The following SLC17A1 variants were observed in gnomAD, a reference collection of about 807,000 sequenced individuals.
SLC17A1 encodes sodium-dependent phosphate transport protein 1.
SLC17A1 carries 51 observed loss-of-function variants against 53.5 expected under a neutral mutation model. The ratio of observed to expected loss-of-function variants is 0.95; its 90% CI spans 0.76 to 1.20. SLC17A1 has a LOEUF of 1.20. SLC17A1 is among the 50% of genes most tolerant of loss of function. SLC17A1 has a pLI of 0.00. For missense variants in SLC17A1, 538 were observed against 568.2 expected (o/e 0.95, Z 0.54); for synonymous variants, 179 against 198.8 (o/e 0.90, Z 0.84).
chr6:25,811,848 A>G, intron 8 of SLC17A1, 78 bp from the exon 9 acceptor site: 1 of 1,458,086 alleles, frequency 6.9e-7, no homozygotes, highest in South Asian at 1.2e-5. Flanking sequence ...CCTATGCTAA[A>G]ATTTATTATC....
At chr6:25,762,055 T>C in the SLC17A1 span, 1 of 1,612,084 alleles carries the variant, frequency 6.2e-7, no homozygotes, top group Non-Finnish European at 8.5e-7. Context: ...CCAGGAAAGG[T>C]AAAATCATGC....
chr6:25,811,691 A>T lies in SLC17A1; in HGVS notation c.977T>A (p.Leu326Gln). ...AATTACGCTGAGAATATTCCTGGTC[A>T]GGAAGAAGTCTGATAACTGACCTGC... ...NLAGQLSDFF[L>Q]TRNILSVIAV... The change falls in exon 9 of 13, where the codon CTG becomes CAG. Residue 326 changes from leucine to glutamine, a missense_variant. Leu to Gln is a moderately radical substitution (Grantham distance 113). Coordinates refer to ENST00000244527, the MANE Select transcript of SLC17A1 (RefSeq NM_005074.5). The T allele has an allele frequency of 6.2e-7, 1 of 1,613,942 alleles. No individual in the cohort carries two copies. Among genetic ancestry groups the T allele is most frequent in the East Asian group, 2.2e-5 (1 of 44,882 alleles).
At chr6:25,742,660 C>T in the SLC17A1 span, among the ~76,000 whole-genome samples, 31,503 of 151,846 alleles carry the variant, frequency 0.21, 3,497 homozygotes, top group Middle Eastern at 0.26. Flanking sequence ...GAAATTTAGT[C>T]GGGTGTGGTG....
the SLC17A1 span, among the ~76,000 whole-genome samples, chr6:25,751,475 G>C: frequency 6.6e-6 from 1 of 152,136 alleles, no homozygotes; most frequent in African/African-American, 2.4e-5. Context: ...AATGAAATTT[G>C]AGTGGAAGTG....
At chr6:25,773,120 G>A in the SLC17A1 span, among the ~76,000 whole-genome samples, 1 of 152,358 alleles carries the variant, frequency 6.6e-6, no homozygotes, top group African/African-American at 2.4e-5. Context: ...TGGTGAGGAA[G>A]TACCCTCCCC....
intron 12 of SLC17A1, among the ~76,000 whole-genome samples, chr6:25,790,400 A>G (rs1454319802): frequency 6.6e-6 from 1 of 152,174 alleles, no homozygotes; most frequent in East Asian, 1.9e-4. Flanking sequence ...TTAGACAAAG[A>G]GCTTCTATTT....
the SLC17A1 span, chr6:25,777,074 A>G: frequency 5.3e-6 from 6 of 1,130,122 alleles, no homozygotes; most frequent in Non-Finnish European, 7.5e-6. Flanking sequence ...AGGAAATGTC[A>G]GCACCAGCTC....
At chr6:25,747,116 C>T in the SLC17A1 span, among the ~76,000 whole-genome samples, 3 of 152,138 alleles carry the variant, frequency 2.0e-5, no homozygotes, top group African/African-American at 7.2e-5. Context: ...GAAAGGATGC[C>T]AGTATCAAAG....
At chr6:25,743,146 A>C in the SLC17A1 span, among the ~76,000 whole-genome samples, 3 of 152,188 alleles carry the variant, frequency 2.0e-5, no homozygotes, top group African/African-American at 7.2e-5. Context: ...AAGTTTTTAT[A>C]AAAAAGGTGA....
the SLC17A1 span, chr6:25,726,417 C>T: frequency 3.5e-5 from 57 of 1,614,034 alleles, no homozygotes; most frequent in Non-Finnish European, 4.7e-5. Flanking sequence ...CATAGTTTCC[C>T]TTACGAAGCA....
At chr6:25,792,875 C>T (rs943955807) in intron 12 of SLC17A1, among the ~76,000 whole-genome samples, 1 of 152,188 alleles carries the variant, frequency 6.6e-6, no homozygotes, top group African/African-American at 2.4e-5. Context: ...GCCAACATCT[C>T]TCACTTGAAC....
the SLC17A1 span, chr6:25,731,880 A>ATC: frequency 2.5e-6 from 4 of 1,603,022 alleles, no homozygotes; most frequent in Non-Finnish European, 3.4e-6. Flanking sequence ...GGCCGTCTGG[A>ATC]TCTCCCTGGA....
chr6:25,770,493 A>C, the SLC17A1 span: 18 of 1,606,498 alleles, frequency 1.1e-5, no homozygotes, highest in Non-Finnish European at 1.4e-5. Flanking sequence ...CCTAAACCTC[A>C]CTTTACATGC....
the SLC17A1 span, chr6:25,727,185 TC>T: frequency 1.2e-6 from 2 of 1,613,958 alleles, no homozygotes; most frequent in Admixed American, 1.7e-5. Context: ...CACCATTTCT[TC>T]CAGAGAGATT....
At chr6:25,769,075 T>C in the SLC17A1 span, 1 of 1,614,056 alleles carries the variant, frequency 6.2e-7, no homozygotes, top group Non-Finnish European at 8.5e-7. Context: ...AGCATTGCCA[T>C]CCCAGCTATG....
chr6:25,732,122 T>C, the SLC17A1 span: 3 of 657,306 alleles, frequency 4.6e-6, no homozygotes, highest in Non-Finnish European at 4.7e-6. Context: ...CTTAAAGCCC[T>C]TTTCGGAAAT....
intron 6 of SLC17A1, among the ~76,000 whole-genome samples, chr6:25,817,925 C>G (rs1380669847): frequency 6.6e-6 from 1 of 152,174 alleles, no homozygotes; most frequent in Non-Finnish European, 1.5e-5. Flanking sequence ...CTACTGAAGA[C>G]TAACTAACAC....
intron 3 of SLC17A1, 89 bp from the exon 4 acceptor site, chr6:25,820,004 A>G: frequency 1.2e-6 from 1 of 843,178 alleles, no homozygotes; most frequent in Non-Finnish European, 1.9e-6. Flanking sequence ...GTTCTGGCTC[A>G]CCTCATGGAA....
intron 2 of SLC17A1, among the ~76,000 whole-genome samples, chr6:25,828,434 AT>A (rs921300778): frequency 1.1e-4 from 16 of 152,066 alleles, no homozygotes; most frequent in African/African-American, 3.9e-4. Context: ...AAATAAATAG[AT>A]TTTTTATATC....
Sources: allele counts gnomAD v4.1 joint callset (sites outside exome capture counted in the v4.1 genomes callset), GRCh38; gene constraint gnomAD v4.1.1; transcripts MANE v1.5; gene names NCBI Gene and HGNC (gene_info 2026-07-23, HGNC 2026-07-21).